Variants in GINM1 observed in about 807,000 individuals in gnomAD.
The protein encoded by GINM1 is glycosylated integral membrane protein 1.
Under a neutral mutation model 37.8 loss-of-function variants are expected in GINM1, and 29 were observed. That is an observed-to-expected ratio of 0.77 (90% CI 0.57 to 1.05). The LOEUF (loss-of-function observed/expected upper bound fraction) is 1.05. GINM1 is among the 50% of genes least tolerant of loss of function. GINM1 has a pLI of 0.00. For synonymous variants in GINM1, 143 were observed against 146.2 expected (o/e 0.98, Z 0.16); for missense variants, 377 against 397.9 (o/e 0.95, Z 0.45).
intron 3 of GINM1, chr6:149,576,010 G>A (rs186033977): frequency 2.0e-5 from 3 of 152,266 alleles, no homozygotes; most frequent in Admixed American, 6.5e-5. Context: ...TTTAGTTGGT[G>A]TATTTGTTTA....
chr6:149,590,833 A>T lies in GINM1; in HGVS notation c.988A>T (p.Ile330Phe), dbSNP rs781439058. The part of the protein sequence containing the change: ...RAENLEDKTC[I>F] ...TGAAAACCTTGAAGATAAAACATGTATTTAAAACGCCATCTCATATCATGG... is the reference window on the plus strand; with the variant it reads ...TGAAAACCTTGAAGATAAAACATGTTTTTAAAACGCCATCTCATATCATGG... Residue 330 changes from isoleucine to phenylalanine, a missense_variant, in exon 8 of 8, where the codon ATT becomes TTT. Transcript: ENST00000367419. The T allele has an allele frequency of 1.3e-6, 2 of 1,486,878 alleles. No individual in the cohort carries two copies. Among genetic ancestry groups the T allele is most frequent in the Non-Finnish European group, 1.9e-6 (2 of 1,066,772 alleles). The allele number at this position is 1,486,878 out of a possible 1,614,324, so 92.1% of individuals were successfully genotyped here. A position where few individuals can be genotyped will look rare whatever the true frequency, so the allele number is the denominator to read the frequency against.
intron 7 of GINM1, among the ~76,000 whole-genome samples, chr6:149,588,036 C>T (rs945056634): frequency 6.6e-6 from 1 of 152,200 alleles, no homozygotes; most frequent in Non-Finnish European, 1.5e-5. Context: ...ATAACCATTC[C>T]TCTAACATTT....
intron 3 of GINM1, among the ~76,000 whole-genome samples, chr6:149,573,070 C>T (rs1321659518): frequency 6.6e-6 from 1 of 152,132 alleles, no homozygotes; most frequent in East Asian, 1.9e-4. Context: ...CGCCTGTAAT[C>T]CCAACACTTT....
chr6:149,589,868 G>A (rs954028751), intron 7 of GINM1, among the ~76,000 whole-genome samples: 1 of 151,082 alleles, frequency 6.6e-6, no homozygotes, highest in Non-Finnish European at 1.5e-5. Flanking sequence ...GCACGATCTC[G>A]GCTCACTGCA....
intron 7 of GINM1, among the ~76,000 whole-genome samples, 169 bp from the exon 8 acceptor site, chr6:149,590,558 G>C (rs1778139177): frequency 6.6e-6 from 1 of 152,190 alleles, no homozygotes; most frequent in African/African-American, 2.4e-5. Flanking sequence ...TTTGGTTAAA[G>C]TGACTTTGGG....
intron 1 of GINM1, among the ~76,000 whole-genome samples, chr6:149,567,645 A>G (rs1437467174): frequency 6.6e-6 from 1 of 152,134 alleles, no homozygotes; most frequent in African/African-American, 2.4e-5. Context: ...AAAACAAACA[A>G]ACAAAAACAA....
intron 6 of GINM1, among the ~76,000 whole-genome samples, chr6:149,581,303 C>T (rs988885048): frequency 1.3e-5 from 2 of 152,110 alleles, no homozygotes; most frequent in Non-Finnish European, 2.9e-5. Context: ...GGATTACAGG[C>T]ACACGCTACC....
At chr6:149,582,877 G>T (rs1480087049) in intron 7 of GINM1, among the ~76,000 whole-genome samples, 1 of 152,100 alleles carries the variant, frequency 6.6e-6, no homozygotes, top group Admixed American at 6.6e-5. Flanking sequence ...GCAGAGGAAG[G>T]AAACAAATAC....
In GINM1 at chr6:149,580,590, TAG is replaced by T; in HGVS notation, c.587-1_587del. 3 of 1,607,042 alleles carry T rather than the reference TAG, an allele frequency of 1.9e-6. No homozygotes were observed. Among genetic ancestry groups the T allele is most frequent in the Non-Finnish European group, 1.7e-6 (2 of 1,177,014 alleles). ...TGGTAACGTTGCTCTTTCTCCTGGG[TAG>T]AAAGTGTTAGTTCACTGCAAACCAC... On this transcript the variant is annotated splice_acceptor_variant, in intron 5 of 7. Coordinates refer to ENST00000367419, the MANE Select transcript of GINM1 (RefSeq NM_138785.5). LOFTEE classifies it high-confidence loss of function.
At chr6:149,584,367 G>T (rs1404440331) in intron 7 of GINM1, 1 of 152,180 alleles carries the variant, frequency 6.6e-6, no homozygotes, top group Non-Finnish European at 1.5e-5. Flanking sequence ...GCATTATACT[G>T]TTATGTAACA....
intron 5 of GINM1, 134 bp from the exon 6 acceptor site, chr6:149,580,459 T>C (rs1227298723): frequency 2.8e-6 from 2 of 708,732 alleles, no homozygotes; most frequent in African/African-American, 3.6e-5. Context: ...TCAGTGAACA[T>C]TCAGATGTGT....
chr6:149,572,147 A>G (rs1257400222), intron 1 of GINM1, 138 bp from the exon 2 acceptor site: 187 of 432,776 alleles, frequency 4.3e-4, no homozygotes, highest in Non-Finnish European at 8.3e-6. Flanking sequence ...ATAAAATGGA[A>G]AAGATGATCT....
intron 3 of GINM1, 79 bp from the exon 4 acceptor site, chr6:149,578,743 T>C: frequency 1.0e-6 from 1 of 968,236 alleles, no homozygotes; most frequent in South Asian, 1.7e-5. Context: ...TCCATGTAAA[T>C]GTCATCAAAA....
intron 3 of GINM1, among the ~76,000 whole-genome samples, 199 bp downstream of exon 3, chr6:149,572,802 C>T (rs2115056330): frequency 6.6e-6 from 1 of 152,276 alleles, no homozygotes; most frequent in South Asian, 2.1e-4. Flanking sequence ...GCTGGGACTG[C>T]AGGCATGTGC....
chr6:149,580,530 A>T, intron 5 of GINM1, 63 bp from the exon 6 acceptor site: 1 of 1,454,740 alleles, frequency 6.9e-7, no homozygotes, highest in Non-Finnish European at 9.3e-7. Flanking sequence ...TTGGTATCGT[A>T]ATCTTAGGAC....
intron 3 of GINM1, among the ~76,000 whole-genome samples, chr6:149,574,153 T>A (rs968942745): frequency 6.6e-6 from 1 of 150,652 alleles, no homozygotes; most frequent in Non-Finnish European, 1.5e-5. Flanking sequence ...TGGGTTCAAG[T>A]GATTCTCCTG....
chr6:149,580,331 A>G (rs1384557336), intron 5 of GINM1, among the ~76,000 whole-genome samples: 2 of 152,202 alleles, frequency 1.3e-5, no homozygotes. Flanking sequence ...AGGAAGAACT[A>G]TTCATTTTTT....
chr6:149,570,136 T>TTATATATATATATATATATA lies in GINM1; in HGVS notation c.121-2106_121-2087dup, dbSNP rs549791771. ...ACTCTGTAATTTTACTAGGTAGGTTTTATATATATATATATATATATATAT... is the reference window on the plus strand; with the variant it reads ...ACTCTGTAATTTTACTAGGTAGGTTTTATATATATATATATATATATATATATATATATATATATATATAT... On this transcript the variant is annotated intron_variant, in intron 1 of 7. Coordinates refer to ENST00000367419, the MANE Select transcript of GINM1 (RefSeq NM_138785.5). 4.4e-5 allele frequency among the ~76,000 whole-genome samples: 2 copies of TTATATATATATATATATATA among 45,818 alleles called. 1 individual carries two copies. The highest frequency in any genetic ancestry group is 8.9e-5 in the Non-Finnish European group (2 of 22,558). The allele number at this position is 45,818 out of a possible 152,430, so 30.1% of individuals were successfully genotyped here.
At chr6:149,586,510 C>G (rs995398143) in intron 7 of GINM1, among the ~76,000 whole-genome samples, 1 of 152,114 alleles carries the variant, frequency 6.6e-6, no homozygotes. Context: ...CACCAAAACC[C>G]AGCTTTGGAA....
Sources: gnomAD v4.1 joint callset for allele counts (sites outside exome capture counted in the v4.1 genomes callset) on GRCh38, gnomAD v4.1.1 for gene constraint, MANE v1.5 for transcripts, NCBI Gene and HGNC (gene_info 2026-07-23, HGNC 2026-07-21) for gene names.